The following CDC42BPA variants were observed in gnomAD, a reference collection of about 807,000 sequenced individuals.
The protein encoded by CDC42BPA is CDC42 binding protein kinase alpha.
Under a neutral mutation model 223.5 loss-of-function variants are expected in CDC42BPA, and 80 were observed. The ratio of observed to expected loss-of-function variants is 0.36; its 90% confidence interval spans 0.30 to 0.43. The LOEUF is 0.43. Among genes scored for constraint, CDC42BPA ranks in the 20% least tolerant of loss-of-function variants. The pLI is 1.00. For missense variants in CDC42BPA, 1,743 were observed against 2,099.9 expected, an observed-to-expected ratio of 0.83 and a Z score of 3.32; for synonymous variants, 694 against 718.6, an observed-to-expected ratio of 0.97 and a Z score of 0.55.
In CDC42BPA at chr1:227,035,598, A is replaced by T; in HGVS notation, c.3209T>A (p.Phe1070Tyr). The part of the protein sequence containing the change: ...RQGCSCEVCG[F>Y]SCHITCVNKA... ...GTTTACACAAGTTATATGGCATGAG[A>T]ATCCACACACTTTTAGAGGGAAAAA... is the stretch of plus-strand genomic sequence containing the variant. Residue 1070 changes from phenylalanine to tyrosine, a missense_variant, in exon 25 of 37, where the codon TTC becomes TAC. This residue lies in a region of CDC42BPA where 678 missense variants were observed against 777.5 expected (regional missense o/e 0.87). Coordinates refer to ENST00000366766, the MANE Select transcript of CDC42BPA (RefSeq NM_001394014.1). 1.9e-6 allele frequency: 3 copies of T among 1,586,888 alleles called. No individual in the cohort carries two copies. Among genetic ancestry groups the T allele is most frequent in the Non-Finnish European group, 8.5e-7 (1 of 1,173,670 alleles).
intron 1 of CDC42BPA, among the ~76,000 whole-genome samples, chr1:227,255,900 A>C (rs1682958714): frequency 6.6e-6 from 1 of 152,172 alleles, no homozygotes; most frequent in Non-Finnish European, 1.5e-5. Context: ...CACAGATTCA[A>C]AGCAATCCCT....
At position 226,994,469 on chromosome 1, in the gene CDC42BPA, C is replaced by G; in HGVS notation, c.5134-70G>C. ...AGGGAGGCAGAAGGGGCTCAGATTACCACCGCCCCCTCCAGCCACCCTGAC... is the reference window on the plus strand; with the variant it reads ...AGGGAGGCAGAAGGGGCTCAGATTAGCACCGCCCCCTCCAGCCACCCTGAC... On this transcript the variant is annotated intron_variant, in intron 36 of 36. Transcript: ENST00000366766. The surrounding 1 kb of genome is among the most constrained non-coding windows in gnomAD (Gnocchi z 4.0). The G allele has an allele frequency of 6.9e-7, 1 of 1,442,888 alleles. No individual in the cohort carries two copies. The highest frequency in any genetic ancestry group is 2.6e-5 in the East Asian group (1 of 39,148). 89.4% of individuals were successfully genotyped at this position (1,442,888 alleles called of 1,614,324 possible). A position where few individuals can be genotyped will look rare whatever the true frequency, so the allele number is the denominator to read the frequency against.
chr1:227,310,942 C>T (rs533587060), intron 1 of CDC42BPA, among the ~76,000 whole-genome samples: 2 of 151,942 alleles, frequency 1.3e-5, no homozygotes, highest in Non-Finnish European at 2.9e-5. Flanking sequence ...CCGCCCACCT[C>T]GGCCTCCCAA....
intron 11 of CDC42BPA, among the ~76,000 whole-genome samples, chr1:227,127,843 T>G (rs1160519802): frequency 6.6e-6 from 1 of 152,222 alleles, no homozygotes; most frequent in African/African-American, 2.4e-5. Context: ...TAAATAGTCA[T>G]TTTTATAAAA....
At position 227,264,081 on chromosome 1, in the gene CDC42BPA, G is replaced by A. The variant is rs117440870; in HGVS notation, c.179-9926C>T. ...AAAGCAACTTTTGTCTATTCATGAA[G>A]ACAGCTGCTTTTTATTTGCCTTTGT... On this transcript the variant is annotated intron_variant, in intron 1 of 36. Transcript: ENST00000366766. Among the ~76,000 whole-genome samples, 285 of 152,292 alleles carry A rather than the reference G, an allele frequency of 1.9e-3. 9 individuals are homozygous for A. The East Asian group carries it at 0.046, about 25-fold the overall frequency.
intron 32 of CDC42BPA, among the ~76,000 whole-genome samples, chr1:227,021,132 G>GT (rs1291969093): frequency 6.6e-6 from 1 of 152,122 alleles, no homozygotes; most frequent in Non-Finnish European, 1.5e-5. Context: ...ACAGATCACC[G>GT]TAACAGACAG....
At chr1:227,124,656 G>A (rs776505976) in intron 11 of CDC42BPA, among the ~76,000 whole-genome samples, 9 of 152,084 alleles carry the variant, frequency 5.9e-5, no homozygotes, top group Non-Finnish European at 1.0e-4. Context: ...TGGAATCACT[G>A]GGCAAGGAAG....
chr1:227,220,313 C>CATATATATATAT (rs1188536931), intron 2 of CDC42BPA, among the ~76,000 whole-genome samples: 1 of 53,314 alleles, frequency 1.9e-5, no homozygotes, highest in Non-Finnish European at 3.5e-5. Flanking sequence ...TATATATATA[C>CATATATATATAT]ACACACACAC....
At chr1:227,084,902 C>T (rs1681520055) in intron 16 of CDC42BPA, among the ~76,000 whole-genome samples, 1 of 151,990 alleles carries the variant, frequency 6.6e-6, no homozygotes, top group Admixed American at 6.6e-5. Flanking sequence ...GTATGTGAGC[C>T]CCATGTGATC....
intron 6 of CDC42BPA, among the ~76,000 whole-genome samples, chr1:227,158,642 T>TA (rs1663268142): frequency 6.6e-6 from 1 of 152,182 alleles, no homozygotes; most frequent in African/African-American, 2.4e-5. Context: ...CTTAGGTTGT[T>TA]AGAGAGTAGG....
At chr1:227,311,200 A>C (rs1020573351) in intron 1 of CDC42BPA, among the ~76,000 whole-genome samples, 1 of 152,050 alleles carries the variant, frequency 6.6e-6, no homozygotes, top group East Asian at 1.9e-4. Flanking sequence ...CACACACACA[A>C]AAATTTTTTA....
chr1:227,203,271 C>T (rs1200338979), intron 3 of CDC42BPA, among the ~76,000 whole-genome samples: 1 of 152,148 alleles, frequency 6.6e-6, no homozygotes, highest in Non-Finnish European at 1.5e-5. Flanking sequence ...TTCAACATAT[C>T]ACACTGCTCT....
intron 15 of CDC42BPA, among the ~76,000 whole-genome samples, chr1:227,095,745 C>G (rs1322058714): frequency 2.0e-5 from 3 of 152,050 alleles, no homozygotes; most frequent in African/African-American, 7.2e-5. Context: ...GCACATGCCA[C>G]TGTGTCTGGC....
intron 1 of CDC42BPA, among the ~76,000 whole-genome samples, chr1:227,261,703 G>A (rs925962908): frequency 6.6e-6 from 1 of 152,056 alleles, no homozygotes; most frequent in Non-Finnish European, 1.5e-5. Context: ...TGCCTGTTAG[G>A]GATCATTCGA....
At chr1:227,091,053 TATC>T (rs1572746345) in intron 16 of CDC42BPA, among the ~76,000 whole-genome samples, 1 of 152,356 alleles carries the variant, frequency 6.6e-6, no homozygotes, top group East Asian at 1.9e-4. Flanking sequence ...CTACCCCTGG[TATC>T]ATTTCTAGCT....
At chr1:227,095,292 C>T (rs1365879526) in intron 15 of CDC42BPA, among the ~76,000 whole-genome samples, 2 of 152,112 alleles carry the variant, frequency 1.3e-5, no homozygotes, top group Non-Finnish European at 2.9e-5. Flanking sequence ...TATGTATATA[C>T]TAGAAAGCAT....
chr1:227,278,064 T>C (rs758437403), intron 1 of CDC42BPA, among the ~76,000 whole-genome samples: 2 of 152,230 alleles, frequency 1.3e-5, no homozygotes, highest in Non-Finnish European at 2.9e-5. Context: ...TAGTAGTTTT[T>C]AACTTAACTT....
At chr1:227,024,708 T>A (rs1249661551) in intron 31 of CDC42BPA, among the ~76,000 whole-genome samples, 1 of 152,178 alleles carries the variant, frequency 6.6e-6, no homozygotes, top group East Asian at 1.9e-4. Context: ...AACATTTTCA[T>A]AAAGCTCAAA....
In CDC42BPA at chr1:227,299,550, T is replaced by C. The variant is rs190230106; in HGVS notation, c.178+17455A>G. On this transcript the variant is annotated intron_variant, in intron 1 of 36. Transcript: ENST00000366766. ...TTTAAGCTGTAAATATATAATGTTA[T>C]CTAGATACACTGATTAATATCTGCT... Among the ~76,000 whole-genome samples the C allele has an allele frequency of 1.3e-3, 196 of 152,318 alleles. 3 individuals carry two copies. The highest frequency in any genetic ancestry group is 0.012 in the South Asian group (56 of 4,832).
Sources: gnomAD v4.1 joint callset for allele counts (sites outside exome capture counted in the v4.1 genomes callset) on GRCh38, gnomAD v4.1.1 for gene constraint, gnomAD v4.1.1 regional missense constraint, Gnocchi (gnomAD v3.1) non-coding constraint, MANE v1.5 for transcripts, NCBI Gene and HGNC (gene_info 2026-07-23, HGNC 2026-07-21) for gene names.